The following CHN2 variants were observed in gnomAD, a reference collection of about 807,000 sequenced individuals.
CHN2 encodes chimerin 2.
Under a neutral mutation model 56.3 loss-of-function variants are expected in CHN2, and 35 were observed. The ratio of observed to expected loss-of-function variants is 0.62; its 90% CI spans 0.47 to 0.82. CHN2 has a LOEUF of 0.82. Among genes scored for constraint, CHN2 ranks in the 40% least tolerant of loss-of-function variants. The pLI, the probability that CHN2 is intolerant of heterozygous loss-of-function variation, is 0.00. For missense variants in CHN2, 491 were observed against 580.5 expected, an observed-to-expected ratio of 0.85 and a Z score of 1.58; for synonymous variants, 210 against 212.8, an observed-to-expected ratio of 0.99 and a Z score of 0.12.
chr7:29,183,511 G>C (rs1321096766), intron 2 of CHN2, among the ~76,000 whole-genome samples: 1 of 151,658 alleles, frequency 6.6e-6, no homozygotes, highest in Non-Finnish European at 1.5e-5. Context: ...CAAGTAGCTG[G>C]GTTTACAAGT....
chr7:29,331,954 G>C (rs1212531320), intron 1 of CHN2, among the ~76,000 whole-genome samples: 2 of 150,790 alleles, frequency 1.3e-5, no homozygotes, highest in Non-Finnish European at 2.9e-5. Context: ...GGAGATTGCA[G>C]TGAGCCAAGA....
intron 6 of CHN2, among the ~76,000 whole-genome samples, chr7:29,436,922 A>G (rs1184329317): frequency 6.6e-6 from 1 of 150,898 alleles, no homozygotes; most frequent in African/African-American, 2.5e-5. Flanking sequence ...CTTTAATATC[A>G]GTTTATTGCT....
intron 1 of CHN2, among the ~76,000 whole-genome samples, chr7:29,338,211 C>T (rs374847291): frequency 1.8e-4 from 28 of 152,246 alleles, no homozygotes; most frequent in African/African-American, 6.5e-4. Flanking sequence ...TGTTACTGGC[C>T]ATAATTTATT....
At chr7:29,171,573 T>G (rs992732491) in intron 2 of CHN2, among the ~76,000 whole-genome samples, 1 of 152,184 alleles carries the variant, frequency 6.6e-6, no homozygotes, top group African/African-American at 2.4e-5. Flanking sequence ...TCAGAGACTT[T>G]TAACGTGGAC....
intron 1 of CHN2, among the ~76,000 whole-genome samples, chr7:29,252,933 G>C (rs1239572493): frequency 6.6e-6 from 1 of 152,138 alleles, no homozygotes; most frequent in Non-Finnish European, 1.5e-5. Flanking sequence ...TAGAGAGTGA[G>C]ATTTCAGTTT....
chr7:29,478,097 G>T (rs1383037900), intron 6 of CHN2, among the ~76,000 whole-genome samples: 11 of 152,214 alleles, frequency 7.2e-5, no homozygotes, highest in African/African-American at 2.7e-4. Context: ...GATTTCAGAG[G>T]ACACAGTTGG....
intron 1 of CHN2, among the ~76,000 whole-genome samples, chr7:29,225,936 T>G (rs1426874847): frequency 6.6e-6 from 1 of 152,196 alleles, no homozygotes; most frequent in East Asian, 1.9e-4. Flanking sequence ...TTGCAATGTG[T>G]CATTCTACTT....
rs144990116 is a variant in CHN2, at chr7:29,248,029, C to T, written c.49+53039C>T. On this transcript the variant is annotated intron_variant, in intron 1 of 12. Transcript: ENST00000222792. ...GTAAGAGCAGAGCTCAGAGACCAACCAGCTGGCAGTGGGTTTGAGGAGGGC... is the reference window on the plus strand; with the variant it reads ...GTAAGAGCAGAGCTCAGAGACCAACTAGCTGGCAGTGGGTTTGAGGAGGGC... Among the ~76,000 whole-genome samples the T allele has an allele frequency of 2.5e-3, 379 of 152,340 alleles. 3 individuals are homozygous for T. The highest frequency in any genetic ancestry group is 4.2e-3 in the Admixed American group (64 of 15,306).
At chr7:29,378,245 A>C (rs1800223581) in intron 3 of CHN2, among the ~76,000 whole-genome samples, 1 of 152,234 alleles carries the variant, frequency 6.6e-6, no homozygotes, top group Non-Finnish European at 1.5e-5. Flanking sequence ...AGTTGGCATC[A>C]GTATGCCGTA....
chr7:29,458,400 C>T (rs894272986), intron 6 of CHN2, among the ~76,000 whole-genome samples: 2 of 151,942 alleles, frequency 1.3e-5, no homozygotes, highest in African/African-American at 4.8e-5. Flanking sequence ...CACACACACA[C>T]ACACACACAC....
intron 1 of CHN2, among the ~76,000 whole-genome samples, chr7:29,284,323 A>G (rs39111): frequency 0.84 from 127,507 of 152,108 alleles, 53,566 homozygotes; most frequent in East Asian, 1. Context: ...TCAAACTCCT[A>G]ACCTCAGGTG....
chr7:29,346,325 CTGT>C (rs569204899), intron 1 of CHN2, among the ~76,000 whole-genome samples: 94 of 152,326 alleles, frequency 6.2e-4, no homozygotes, highest in African/African-American at 1.9e-3. Flanking sequence ...CCCACTCCTG[CTGT>C]TGTTGTTTGC....
chr7:29,471,762 T>C (rs1786064275), intron 6 of CHN2, among the ~76,000 whole-genome samples: 1 of 152,042 alleles, frequency 6.6e-6, no homozygotes, highest in Non-Finnish European at 1.5e-5. Context: ...TCAGCAGCAG[T>C]TTTAGGACTG....
chr7:29,171,781 A>C (rs747046168), intron 2 of CHN2, among the ~76,000 whole-genome samples: 3 of 152,198 alleles, frequency 2.0e-5, no homozygotes, highest in Non-Finnish European at 4.4e-5. Flanking sequence ...CATGCCTATC[A>C]AATCCATCTA....
intron 1 of CHN2, among the ~76,000 whole-genome samples, chr7:29,259,941 G>A (rs776177088): frequency 3.3e-5 from 5 of 152,110 alleles, no homozygotes; most frequent in Admixed American, 2.6e-4. Flanking sequence ...CCTAGAGGCC[G>A]GAGTGGAGGT....
intron 1 of CHN2, among the ~76,000 whole-genome samples, chr7:29,220,321 T>C (rs1186203714): frequency 7.2e-6 from 1 of 137,990 alleles, no homozygotes; most frequent in African/African-American, 2.7e-5. Flanking sequence ...TAAGCAGTAA[T>C]TATAGAAGTA....
At chr7:29,162,370 A>G (rs1584492498) in intron 2 of CHN2, among the ~76,000 whole-genome samples, 3 of 152,204 alleles carry the variant, frequency 2.0e-5, no homozygotes, top group African/African-American at 7.2e-5. Flanking sequence ...GATCTTAAGA[A>G]CATTATGATG....
intron 2 of CHN2, among the ~76,000 whole-genome samples, chr7:29,177,328 A>C (rs1584579421): frequency 6.6e-6 from 1 of 151,888 alleles, no homozygotes; most frequent in African/African-American, 2.4e-5. Context: ...ATCTCTGCTC[A>C]CTGCAACCTC....
At position 29,505,376 on chromosome 7, in the gene CHN2, C is replaced by T. The variant is rs78702310; in HGVS notation, c.991+555C>T. Reference sequence around the variant, plus strand: ...ATAAGCAATCCAAATAATTCTGGTACAGCCAGTCAAGACATGGAAGCCCTA... The same window carrying T: ...ATAAGCAATCCAAATAATTCTGGTATAGCCAGTCAAGACATGGAAGCCCTA... On this transcript the variant is annotated intron_variant, in intron 10 of 12. Transcript: ENST00000222792. Among the ~76,000 whole-genome samples, 11 of 152,288 alleles carry T rather than the reference C, an allele frequency of 7.2e-5. No individual in the cohort carries two copies. In the East Asian group the frequency reaches 2.1e-3, roughly 29 times the overall value.
Sources: allele counts gnomAD v4.1 joint callset (sites outside exome capture counted in the v4.1 genomes callset), GRCh38; gene constraint gnomAD v4.1.1; transcripts MANE v1.5; gene names NCBI Gene and HGNC (gene_info 2026-07-23, HGNC 2026-07-21).